Variants in SEC14L1 observed in about 807,000 individuals in gnomAD.
SEC14L1 encodes the protein SEC14-like protein 1.
SEC14L1 carries 48 observed loss-of-function variants against 85.3 expected under a neutral mutation model. The ratio of observed to expected loss-of-function variants is 0.56; its 90% confidence interval spans 0.45 to 0.72. The LOEUF is 0.72. SEC14L1 is among the 30% of genes least tolerant of loss of function. The pLI, the probability that SEC14L1 is intolerant of heterozygous loss-of-function variation, is 0.00. For synonymous variants in SEC14L1, 391 were observed against 355.5 expected (o/e 1.10, Z -1.12); for missense variants, 682 against 921.4 (o/e 0.74, Z 3.36).
chr17:77,189,428 C>G (rs1454928184), intron 3 of SEC14L1, among the ~76,000 whole-genome samples: 1 of 152,130 alleles, frequency 6.6e-6, no homozygotes, highest in Non-Finnish European at 1.5e-5. Context: ...TGGAGGTTAC[C>G]AAGAGGGACT....
chr17:77,146,599 T>G (rs1467408600), intron 3 of SEC14L1, among the ~76,000 whole-genome samples: 5 of 152,164 alleles, frequency 3.3e-5, no homozygotes, highest in Non-Finnish European at 7.3e-5. Flanking sequence ...TCTTTCTTTC[T>G]TCTCCTTTTT....
At chr17:77,122,442 C>T (rs1972325559) in intron 3 of SEC14L1, among the ~76,000 whole-genome samples, 1 of 152,086 alleles carries the variant, frequency 6.6e-6, no homozygotes, top group Non-Finnish European at 1.5e-5. Context: ...GCTGGGACTA[C>T]AGGTGTACAC....
In SEC14L1 at chr17:77,205,188, C is replaced by T. The variant is rs188689000; in HGVS notation, c.1099-88C>T. On this transcript the variant is annotated intron_variant, in intron 10 of 16. Coordinates refer to ENST00000436233, the MANE Select transcript of SEC14L1 (RefSeq NM_001143998.2). Reference sequence around the variant, plus strand: ...TTGATTTACATGCTTATCTGTAATACGCTGTTAGTGTCCCTCTTCCATAGC... The same window carrying T: ...TTGATTTACATGCTTATCTGTAATATGCTGTTAGTGTCCCTCTTCCATAGC... 330 of 1,105,690 alleles carry T rather than the reference C, an allele frequency of 3.0e-4. 2 individuals are homozygous for T. In the Middle Eastern group the frequency reaches 5.1e-3, roughly 17 times the overall value. 68.5% of individuals were successfully genotyped at this position (1,105,690 alleles called of 1,614,324 possible). A position where few individuals can be genotyped will look rare whatever the true frequency, so the allele number is the denominator to read the frequency against.
rs1463750340 is a variant in SEC14L1 at position 77,206,781 on chromosome 17, A to C, written c.1395A>C (p.Gly465=). ...NTRRKFLIYA[G]NDYQGPGGLL... ...GAAGGAAGTTCCTCATTTATGCAGG[A>C]AATGACTACCAGGGTCCTGGAGGCC... is the stretch of plus-strand genomic sequence containing the variant. The change falls in exon 13 of 17, where the codon GGA becomes GGC. Residue 465 remains glycine (G), a synonymous_variant. Transcript: ENST00000436233. The surrounding 1 kb of genome is among the most constrained non-coding windows in gnomAD (Gnocchi z 4.3). 3.1e-6 allele frequency: 5 copies of C among 1,612,886 alleles called. No individual in the cohort carries two copies. In the South Asian group the frequency reaches 5.5e-5, roughly 18 times the overall value.
chr17:77,119,294 T>G (rs1972244500), intron 3 of SEC14L1, among the ~76,000 whole-genome samples: 1 of 134,702 alleles, frequency 7.4e-6, no homozygotes, highest in Non-Finnish European at 1.6e-5. Context: ...GGTGACAGAG[T>G]GAGACTCCAT....
intron 8 of SEC14L1, 86 bp from the exon 9 acceptor site, chr17:77,200,398 A>C: frequency 9.5e-7 from 1 of 1,047,882 alleles, no homozygotes; most frequent in Non-Finnish European, 1.4e-6. Context: ...TGAACTCCTG[A>C]GCTCAAGCGA....
At chr17:77,102,976 T>A (rs1475511472) in intron 3 of SEC14L1, among the ~76,000 whole-genome samples, 2 of 151,568 alleles carry the variant, frequency 1.3e-5, no homozygotes, top group Non-Finnish European at 2.9e-5. Context: ...GCTAATTGTT[T>A]TACTATTTTT....
intron 3 of SEC14L1, among the ~76,000 whole-genome samples, chr17:77,109,143 A>T (rs1051259945): frequency 6.6e-6 from 1 of 151,358 alleles, no homozygotes; most frequent in Admixed American, 6.6e-5. Flanking sequence ...TTTATAGACT[A>T]AGGGCTGAAG....
upstream of SEC14L1, among the ~76,000 whole-genome samples, chr17:77,138,758 A>C (rs1395318718): frequency 1.3e-5 from 2 of 152,222 alleles, no homozygotes; most frequent in Admixed American, 1.3e-4. Flanking sequence ...CCAGGTGATG[A>C]TGCTGCAGAC....
upstream of SEC14L1, among the ~76,000 whole-genome samples, chr17:77,138,505 G>A (rs376321462): frequency 3.4e-4 from 51 of 152,176 alleles, no homozygotes; most frequent in East Asian, 2.9e-3. Context: ...CCAGCTACTC[G>A]GGAGGCTGAG....
chr17:77,177,203 A>T (rs764873449), intron 3 of SEC14L1, among the ~76,000 whole-genome samples: 4 of 151,900 alleles, frequency 2.6e-5, no homozygotes, highest in Admixed American at 6.6e-5. Context: ...TACCCAGATG[A>T]GCTGGTCAGG....
chr17:77,104,321 A>G (rs1971853720), intron 3 of SEC14L1, among the ~76,000 whole-genome samples: 2 of 146,036 alleles, frequency 1.4e-5, no homozygotes, highest in South Asian at 4.3e-4. Flanking sequence ...ACGGGATTTC[A>G]CCATTTGGCC....
chr17:77,154,604 G>A (rs1439524691), intron 3 of SEC14L1, among the ~76,000 whole-genome samples: 1 of 151,852 alleles, frequency 6.6e-6, no homozygotes, highest in Admixed American at 6.6e-5. Context: ...AGATACCGAG[G>A]GAGGACTCTA....
At chr17:77,154,619 C>T (rs1973719722) in intron 3 of SEC14L1, among the ~76,000 whole-genome samples, 1 of 148,106 alleles carries the variant, frequency 6.8e-6, no homozygotes, top group Non-Finnish European at 1.5e-5. Context: ...ACTCTACTGG[C>T]CCCTTCTGGT....
chr17:77,090,586 G>A (rs1484543272), intron 2 of SEC14L1, among the ~76,000 whole-genome samples: 3 of 151,970 alleles, frequency 2.0e-5, no homozygotes, highest in South Asian at 4.1e-4. Flanking sequence ...TCTGAAGGAT[G>A]GGTAAAAGTT....
chr17:77,166,032 T>A (rs1974263443), intron 3 of SEC14L1, among the ~76,000 whole-genome samples: 1 of 152,218 alleles, frequency 6.6e-6, no homozygotes, highest in African/African-American at 2.4e-5. Context: ...CGGCTTTACT[T>A]CATTGCCAAT....
At chr17:77,155,050 G>C (rs1973744706) in intron 3 of SEC14L1, among the ~76,000 whole-genome samples, 1 of 152,168 alleles carries the variant, frequency 6.6e-6, no homozygotes, top group Non-Finnish European at 1.5e-5. Flanking sequence ...AGCAGTTAAT[G>C]CTATTTTAGG....
chr17:77,185,608 C>T (rs1464022191), intron 3 of SEC14L1, among the ~76,000 whole-genome samples: 2 of 152,202 alleles, frequency 1.3e-5, no homozygotes, highest in African/African-American at 2.4e-5. Flanking sequence ...CTATATGTCA[C>T]TTAAAAAGAT....
chr17:77,179,327 T>G (rs1741259901), intron 3 of SEC14L1, among the ~76,000 whole-genome samples: 1 of 152,202 alleles, frequency 6.6e-6, no homozygotes. Flanking sequence ...CTAAAATACT[T>G]GGAAGTGCAA....
Sources: gnomAD v4.1 joint callset for allele counts (sites outside exome capture counted in the v4.1 genomes callset) on GRCh38, gnomAD v4.1.1 for gene constraint, Gnocchi (gnomAD v3.1) non-coding constraint, MANE v1.5 for transcripts, NCBI Gene and HGNC (gene_info 2026-07-23, HGNC 2026-07-21) for gene names.